ZNF491: variants seen among roughly 807,000 people sequenced by gnomAD.
The protein encoded by ZNF491 is zinc finger protein 491.
ZNF491 carries 22 observed loss-of-function variants against 34.7 expected under a neutral mutation model. The ratio of observed to expected loss-of-function variants is 0.63; its 90% CI spans 0.45 to 0.90. ZNF491 has a LOEUF of 0.90. ZNF491 is among the 40% of genes least tolerant of loss of function. The pLI, the probability that ZNF491 is intolerant of heterozygous loss-of-function variation, is 0.00. For synonymous variants in ZNF491, 148 were observed against 174.3 expected, an observed-to-expected ratio of 0.85 and a Z score of 1.19; for missense variants, 559 against 531.7, an observed-to-expected ratio of 1.05 and a Z score of -0.51.
In ZNF491 at chr19:11,806,188, C is replaced by G. The variant is rs764137663; in HGVS notation, c.235C>G (p.Gln79Glu). The stretch of plus-strand genomic sequence containing the variant: ...TTTAGAGAAGCCATATAAACATAAA[C>G]AACGTAGGAAAGCCTTGAGCCATAG... ...KFLEKPYKHK[Q>E]RRKALSHSHC... Residue 79 changes from glutamine to glutamate, a missense_variant, in exon 3 of 3, where the codon CAA (glutamine) becomes GAA (glutamate). Physicochemically the swap from Gln to Glu is conservative, Grantham distance 29. Coordinates refer to ENST00000323169, the MANE Select transcript of ZNF491 (RefSeq NM_152356.4). The G allele has an allele frequency of 1.9e-4, 307 of 1,613,898 alleles. No homozygotes were observed. Among genetic ancestry groups the G allele is most frequent in the Non-Finnish European group, 2.4e-4 (287 of 1,179,992 alleles).
At position 11,805,164 on chromosome 19, in the gene ZNF491, C is replaced by G. The variant is rs892105934; in HGVS notation, c.-8+497C>G. Among the ~76,000 whole-genome samples the G allele has an allele frequency of 4.9e-4, 74 of 152,240 alleles. 2 individuals carry two copies. Among genetic ancestry groups the G allele is most frequent in the Admixed American group, 4.8e-3 (74 of 15,286 alleles). On this transcript the variant is annotated intron_variant, in intron 2 of 2. Transcript: ENST00000323169. ...GTGGCTCACGCCTGTAATCCCAGGA[C>G]TTTGGGAGGCCAAGGTGGGCGGATC...
intron 1 of ZNF491, among the ~76,000 whole-genome samples, chr19:11,801,167 G>A (rs774033555): frequency 3.3e-5 from 5 of 151,916 alleles, no homozygotes; most frequent in Non-Finnish European, 5.9e-5. Flanking sequence ...GAGAGACCCC[G>A]TCTCTATTAA....
At chr19:11,803,925 C>T (rs1020771633) in intron 1 of ZNF491, among the ~76,000 whole-genome samples, 1 of 152,048 alleles carries the variant, frequency 6.6e-6, no homozygotes, top group African/African-American at 2.4e-5. Flanking sequence ...TCAAGGCACG[C>T]CAGGCACGGT....
In ZNF491 at chr19:11,804,651, G is replaced by A. The variant is rs1975590296; in HGVS notation, c.-24G>A. On this transcript the variant is annotated 5_prime_UTR_variant, in exon 2 of 3. Transcript: ENST00000323169. ...GAGATGTGATGCAGGAAACCTTCAC[G>A]AACCTCATCTGTATAGGTAGGGGTG... is the stretch of plus-strand genomic sequence containing the variant. 8 of 1,420,990 alleles carry A rather than the reference G, an allele frequency of 5.6e-6. No homozygotes were observed. The highest frequency in any genetic ancestry group is 1.5e-5 in the African/African-American group (1 of 66,852). 88.0% of individuals were successfully genotyped at this position (1,420,990 alleles called of 1,614,324 possible).
Position 11,798,772 on chromosome 19 carries a change from G to A in ZNF491, c.-134+45G>A, listed in dbSNP as rs895156599. 2 of 152,350 alleles carry A rather than the reference G, an allele frequency of 1.3e-5. No homozygotes were observed. The highest frequency in any genetic ancestry group is 4.8e-5 in the African/African-American group (2 of 41,458). 9.4% of individuals were successfully genotyped at this position (152,350 alleles called of 1,614,324 possible). On this transcript the variant is annotated intron_variant, in intron 1 of 2. Transcript: ENST00000323169. This position sits in a 1 kb window ranked among gnomAD's most constrained non-coding sequence, Gnocchi z 4.0. Reference sequence around the variant, plus strand: ...GTCCAGATACGTGGAAGAGGGGCTGGGTGGAACCAACAGGATCCTGCTGTG... The same window carrying A: ...GTCCAGATACGTGGAAGAGGGGCTGAGTGGAACCAACAGGATCCTGCTGTG...
At chr19:11,805,902 C>A in intron 2 of ZNF491, 45 bp from the exon 3 acceptor site, 4 of 1,405,722 alleles carry the variant, frequency 2.8e-6, no homozygotes, top group South Asian at 1.4e-5. Context: ...AATATTAAAT[C>A]GCTTATAAAC....
Position 11,806,498 on chromosome 19 carries a change from C to G in ZNF491, c.545C>G (p.Thr182Ser), listed in dbSNP as rs780096515. ...GTTCGAATCCATGAAAGAACTCACACTGGGGAGAAGCCATATGAATGTAAG... is the reference window on the plus strand; with the variant it reads ...GTTCGAATCCATGAAAGAACTCACAGTGGGGAGAAGCCATATGAATGTAAG... ...SSVRIHERTHTGEKPYECKEC... is the reference protein window; with the variant it reads ...SSVRIHERTHSGEKPYECKEC... Residue 182 changes from threonine to serine, a missense_variant, in exon 3 of 3, where the codon ACT becomes AGT. By Grantham distance (58) the Thr-to-Ser change is moderately conservative (BLOSUM62 1). Transcript: ENST00000323169. The G allele has an allele frequency of 6.2e-7, 1 of 1,613,976 alleles. No homozygotes were observed. Among genetic ancestry groups the G allele is most frequent in the Non-Finnish European group, 8.5e-7 (1 of 1,179,994 alleles).
intron 1 of ZNF491, among the ~76,000 whole-genome samples, chr19:11,799,864 C>T (rs1345482126): frequency 3.3e-5 from 5 of 151,436 alleles, no homozygotes; most frequent in African/African-American, 9.7e-5. Flanking sequence ...ACGCAGGAGG[C>T]GGAGGTTGCG....
At chr19:11,803,465 G>A (rs1975576742) in intron 1 of ZNF491, among the ~76,000 whole-genome samples, 1 of 152,112 alleles carries the variant, frequency 6.6e-6, no homozygotes, top group Admixed American at 6.6e-5. Flanking sequence ...ATTTTCAACA[G>A]TTTTTCCACT....
chr19:11,799,064 T>C (rs1599278073), intron 1 of ZNF491: 1 of 152,350 alleles, frequency 6.6e-6, no homozygotes, highest in African/African-American at 2.4e-5. Flanking sequence ...CCGCCTTTCT[T>C]CTGCTAAAAA....
intron 1 of ZNF491, 149 bp from the exon 2 acceptor site, chr19:11,804,393 T>A: frequency 8.3e-7 from 1 of 1,205,130 alleles, no homozygotes. Flanking sequence ...AGGAAGTGAG[T>A]GTAGACAGGG....
In ZNF491 at chr19:11,803,810, C is replaced by G. The variant is rs143839568; in HGVS notation, c.-133-732C>G. 2.4e-3 allele frequency among the ~76,000 whole-genome samples: 370 copies of G among 152,262 alleles called. 4 individuals carry two copies. Among genetic ancestry groups the G allele is most frequent in the African/African-American group, 8.3e-3 (344 of 41,546 alleles). On this transcript the variant is annotated intron_variant, in intron 1 of 2. Transcript: ENST00000323169. ...CCACTTTAAAGTTACTATTTTTACC[C>G]CTTTCCATACTCTGTTCTTTGGAAG...
chr19:11,805,819 C>T, intron 2 of ZNF491, 128 bp from the exon 3 acceptor site: 1 of 776,564 alleles, frequency 1.3e-6, no homozygotes, highest in Non-Finnish European at 2.0e-6. Flanking sequence ...TGCACTCCAG[C>T]CTGGGTAACA....
chr19:11,807,510 T>C lies in ZNF491; in HGVS notation c.*243T>C. 2.5e-6 allele frequency: 1 copy of C among 395,210 alleles called. No homozygotes were observed. The highest frequency in any genetic ancestry group is 3.9e-5 in the East Asian group (1 of 25,414). The allele number at this position is 395,210 out of a possible 1,614,324, so 24.5% of individuals were successfully genotyped here. A position where few individuals can be genotyped will look rare whatever the true frequency, so the allele number is the denominator to read the frequency against. ...TAGTCACATTTTAGAGCCAGCCAAA[T>C]TCACATGGGCTGTGTGGCCCCCTGA... On this transcript the variant is annotated 3_prime_UTR_variant, in exon 3 of 3. Transcript: ENST00000323169.
At position 11,807,454 on chromosome 19, in the gene ZNF491, A is replaced by G. The variant is rs1004014613; in HGVS notation, c.*187A>G. The G allele has an allele frequency of 7.4e-5, 35 of 473,268 alleles. No homozygotes were observed. Among genetic ancestry groups the G allele is most frequent in the East Asian group, 4.2e-4 (13 of 30,712 alleles). 29.3% of individuals were successfully genotyped at this position (473,268 alleles called of 1,614,324 possible). A position where few individuals can be genotyped will look rare whatever the true frequency, so the allele number is the denominator to read the frequency against. On this transcript the variant is annotated 3_prime_UTR_variant, in exon 3 of 3. Coordinates refer to ENST00000323169, the MANE Select transcript of ZNF491 (RefSeq NM_152356.4). The stretch of plus-strand genomic sequence containing the variant: ...GATTCACTGGTGGCCTATCTTACAT[A>G]TGATTTCGAAGGCAGACATGAGGAA...
Position 11,806,376 on chromosome 19 carries a change from T to C in ZNF491, c.423T>C (p.Asp141=). 2 of 1,613,658 alleles carry C rather than the reference T, an allele frequency of 1.2e-6. No homozygotes were observed. Among genetic ancestry groups the C allele is most frequent in the Non-Finnish European group, 1.7e-6 (2 of 1,179,836 alleles). Residue 141 remains aspartate, a synonymous_variant, in exon 3 of 3, where the codon GAT becomes GAC. Transcript: ENST00000323169. ...GTAAGTTTTGTGGGAAAGCCTTGGA[T>C]TGTCTCAGTTTATACCTTACCCATG... The part of the protein sequence containing the change: ...YKCKFCGKAL[D]CLSLYLTHER...
chr19:11,799,943 T>A (rs186790785), intron 1 of ZNF491, among the ~76,000 whole-genome samples: 2 of 146,680 alleles, frequency 1.4e-5, no homozygotes, highest in East Asian at 3.9e-4. Context: ...AAAAAAAAAA[T>A]TAGTCAGGTA....
chr19:11,807,214 A>T lies in ZNF491; in HGVS notation c.1261A>T (p.Ile421Phe). 6.3e-7 allele frequency: 1 copy of T among 1,580,008 alleles called. No homozygotes were observed. The highest frequency in any genetic ancestry group is 1.2e-5 in the South Asian group (1 of 85,088). The stretch of plus-strand genomic sequence containing the variant: ...ATGTAAGGAATGTGGGAAAGCCTTC[A>T]TTCGTTCCAGTTACTGTCGAAAACA... ...YQCKECGKAF[I>F]RSSYCRKHER... Residue 421 changes from isoleucine (I) to phenylalanine (F), a missense_variant, in exon 3 of 3, where the codon ATT becomes TTT. By Grantham distance (21) the Ile-to-Phe change is conservative. Transcript: ENST00000323169.
Position 11,806,666 on chromosome 19 carries a change from C to A in ZNF491, c.713C>A (p.Thr238Lys), listed in dbSNP as rs1310894023. The stretch of plus-strand genomic sequence containing the variant: ...TTTCACAGGCATGAAAGGACTCACA[C>A]AGGAGAAAAACCCTATGAATGTAAA... ...SSFHRHERTH[T>K]GEKPYECKLY... is the part of the protein sequence containing the mutation. The change falls in exon 3 of 3, where the codon ACA becomes AAA. Residue 238 changes from threonine to lysine, a missense_variant. Coordinates refer to ENST00000323169, the MANE Select transcript of ZNF491 (RefSeq NM_152356.4). 9.3e-6 allele frequency: 15 copies of A among 1,613,146 alleles called. No homozygotes were observed. The highest frequency in any genetic ancestry group is 1.1e-5 in the Non-Finnish European group (13 of 1,179,716).
Sources: allele counts gnomAD v4.1 joint callset (sites outside exome capture counted in the v4.1 genomes callset), GRCh38; gene constraint gnomAD v4.1.1; non-coding constraint Gnocchi (gnomAD v3.1); transcripts MANE v1.5; gene names NCBI Gene and HGNC (gene_info 2026-07-23, HGNC 2026-07-21).